GSG1L: variants seen among roughly 807,000 people sequenced by gnomAD.
GSG1L encodes GSG1 like, also known as germ cell-specific gene 1-like protein.
In GSG1L, 24 loss-of-function variants were observed where a neutral mutation model predicts 42.1. The ratio of observed to expected loss-of-function variants is 0.57; its 90% CI spans 0.41 to 0.80. GSG1L has a LOEUF of 0.80. Ranked by LOEUF, GSG1L falls within the 30% of genes least tolerant of loss-of-function variation. The probability of loss-of-function intolerance (pLI) is 0.00; values close to 1 mark genes in which losing one functional copy is unlikely to be tolerated. For missense variants in GSG1L, 445 were observed against 472.2 expected (o/e 0.94, Z 0.53); for synonymous variants, 215 against 203.5 (o/e 1.06, Z -0.48).
intron 6 of GSG1L, among the ~76,000 whole-genome samples, chr16:27,806,299 T>A (rs1449471800): frequency 1.3e-5 from 2 of 152,146 alleles, no homozygotes; most frequent in Admixed American, 6.5e-5. Context: ...CTCCCAAGCA[T>A]CTTGGTTCAC....
intron 1 of GSG1L, among the ~76,000 whole-genome samples, chr16:27,994,679 G>A (rs1328256948): frequency 6.6e-6 from 1 of 152,008 alleles, no homozygotes; most frequent in Non-Finnish European, 1.5e-5. Context: ...AGAAGACTGT[G>A]AGTCAATAAA....
Position 27,961,780 on chromosome 16 carries a change from G to C in GSG1L, c.397+1376C>G, listed in dbSNP as rs62033518. On this transcript the variant is annotated intron_variant, in intron 2 of 6. Coordinates refer to ENST00000447459, the MANE Select transcript of GSG1L (RefSeq NM_001109763.2). ...AGCAATTAAACAGAACACAGCCATG[G>C]GGACATCAAAGAAATGGAGGAGGCG... Among the ~76,000 whole-genome samples the C allele has an allele frequency of 1.7e-4, 26 of 152,290 alleles. No individual in the cohort carries two copies. In the Middle Eastern group the frequency reaches 0.017, roughly 100 times the overall value.
chr16:28,036,854 C>A (rs2086044440), intron 1 of GSG1L, among the ~76,000 whole-genome samples: 1 of 152,214 alleles, frequency 6.6e-6, no homozygotes, highest in African/African-American at 2.4e-5. Context: ...CCCCAGGCTA[C>A]TCCCACTCCC....
At chr16:27,833,400 T>C (rs1490090192) in intron 4 of GSG1L, among the ~76,000 whole-genome samples, 1 of 152,222 alleles carries the variant, frequency 6.6e-6, no homozygotes, top group African/African-American at 2.4e-5. Flanking sequence ...ATTGTAGCTA[T>C]ACAATAAGTT....
chr16:27,924,818 T>G (rs529484858), intron 2 of GSG1L, among the ~76,000 whole-genome samples: 10 of 152,192 alleles, frequency 6.6e-5, no homozygotes, highest in Non-Finnish European at 1.0e-4. Flanking sequence ...TGATAGATGA[T>G]GAGTTGTCCT....
At chr16:27,852,165 T>TA (rs1274453299) in intron 3 of GSG1L, among the ~76,000 whole-genome samples, 1 of 152,240 alleles carries the variant, frequency 6.6e-6, no homozygotes, top group African/African-American at 2.4e-5. Context: ...CACTCATGTT[T>TA]AAATAAATAT....
intron 3 of GSG1L, chr16:27,850,441 C>G (rs9923711): frequency 6.7e-6 from 3 of 446,538 alleles, no homozygotes; most frequent in Non-Finnish European, 1.3e-5. Flanking sequence ...CATCTGCATG[C>G]GAATGATAAA....
intron 3 of GSG1L, among the ~76,000 whole-genome samples, chr16:27,847,336 G>C (rs1024829030): frequency 6.6e-6 from 1 of 152,184 alleles, no homozygotes; most frequent in Admixed American, 6.5e-5. Flanking sequence ...CACTGGAAAT[G>C]GGGGGATGTT....
intron 1 of GSG1L, among the ~76,000 whole-genome samples, chr16:28,054,246 C>T (rs1158002910): frequency 2.0e-5 from 3 of 152,212 alleles, no homozygotes; most frequent in Non-Finnish European, 4.4e-5. Context: ...GAAGCACCGA[C>T]CCTCCTCTAC....
At chr16:27,961,786 T>C (rs1346736794) in intron 2 of GSG1L, among the ~76,000 whole-genome samples, 2 of 152,126 alleles carry the variant, frequency 1.3e-5, no homozygotes, top group Non-Finnish European at 1.5e-5. Flanking sequence ...CATGGGGACA[T>C]CAAAGAAATG....
intron 6 of GSG1L, among the ~76,000 whole-genome samples, chr16:27,796,645 G>A (rs2082820640): frequency 6.6e-6 from 1 of 152,220 alleles, no homozygotes. Flanking sequence ...CGTATGGAGG[G>A]AAGTTTGTGT....
chr16:27,979,753 A>AGAAG, intron 1 of GSG1L, among the ~76,000 whole-genome samples: 1 of 135,586 alleles, frequency 7.4e-6, no homozygotes, highest in African/African-American at 2.7e-5. Flanking sequence ...AAGAAAGGAA[A>AGAAG]GAAAGAAAGA....
intron 1 of GSG1L, among the ~76,000 whole-genome samples, chr16:28,030,756 AATGGGATGGGATGGG>A (rs111808934): frequency 1.0e-5 from 1 of 95,796 alleles, no homozygotes; most frequent in African/African-American, 4.3e-5. Context: ...GTTAGGATGG[AATGGGATGGGATGGG>A]ATGGGATGGG....
chr16:27,855,904 C>G (rs2140994835), intron 3 of GSG1L, among the ~76,000 whole-genome samples: 1 of 151,944 alleles, frequency 6.6e-6, no homozygotes, highest in Middle Eastern at 3.4e-3. Context: ...TTCTGGGGGT[C>G]AGGGAAGGCT....
chr16:27,811,904 G>A (rs2083035800), intron 5 of GSG1L, among the ~76,000 whole-genome samples: 1 of 152,168 alleles, frequency 6.6e-6, no homozygotes, highest in South Asian at 2.1e-4. Context: ...ACCCGCCTCA[G>A]CCTCCCAATG....
At chr16:27,793,817 G>A (rs112730145) in intron 6 of GSG1L, among the ~76,000 whole-genome samples, 12 of 152,270 alleles carry the variant, frequency 7.9e-5, no homozygotes, top group African/African-American at 2.9e-4. Context: ...GTATACAGAG[G>A]AGAACACTCC....
chr16:27,874,404 C>T (rs2083859407), intron 3 of GSG1L, among the ~76,000 whole-genome samples: 1 of 141,972 alleles, frequency 7.0e-6, no homozygotes, highest in Non-Finnish European at 1.5e-5. Flanking sequence ...GTCATAAAAT[C>T]CCAATAAAAA....
At chr16:27,877,163 C>T (rs1402829933) in intron 3 of GSG1L, among the ~76,000 whole-genome samples, 1 of 152,136 alleles carries the variant, frequency 6.6e-6, no homozygotes. Context: ...CCTGTCTTCC[C>T]CAATACCTCT....
At chr16:28,031,221 A>G (rs1015197025) in intron 1 of GSG1L, among the ~76,000 whole-genome samples, 4 of 69,410 alleles carry the variant, frequency 5.8e-5, no homozygotes, top group Non-Finnish European at 8.1e-5. Context: ...GAGATGGAAT[A>G]GGATGGGATG....
Sources: allele counts gnomAD v4.1 joint callset (sites outside exome capture counted in the v4.1 genomes callset), GRCh38; gene constraint gnomAD v4.1.1; transcripts MANE v1.5; gene names NCBI Gene and HGNC (gene_info 2026-07-23, HGNC 2026-07-21).